Variants in NRXN3 observed in about 807,000 individuals in gnomAD.
The protein encoded by NRXN3 is neurexin III.
A neutral mutation model predicts 137.6 loss-of-function variants in NRXN3; 32 were observed. The ratio of observed to expected loss-of-function variants is 0.23; its 90% CI spans 0.18 to 0.31. NRXN3 has a LOEUF of 0.31. NRXN3 is among the 10% of genes least tolerant of loss of function. The pLI is 1.00. For missense variants in NRXN3, 1,574 were observed against 2,062.5 expected (o/e 0.76, Z 4.59); for synonymous variants, 798 against 784.5 (o/e 1.02, Z -0.29).
At chr14:78,654,674 G>A (rs1331463874) in intron 6 of NRXN3, among the ~76,000 whole-genome samples, 2 of 152,200 alleles carry the variant, frequency 1.3e-5, no homozygotes, top group Admixed American at 6.5e-5. Flanking sequence ...TATGCAGTTT[G>A]TGTCCACTTA....
intron 15 of NRXN3, among the ~76,000 whole-genome samples, chr14:79,150,900 T>G (rs969663959): frequency 2.6e-5 from 4 of 151,962 alleles, no homozygotes; most frequent in African/African-American, 9.7e-5. Flanking sequence ...TCAGCAGAAG[T>G]CCAAAGGTCC....
chr14:79,358,579 G>A (rs1173942193), intron 15 of NRXN3, among the ~76,000 whole-genome samples: 1 of 119,778 alleles, frequency 8.3e-6, no homozygotes, highest in Non-Finnish European at 1.7e-5. Context: ...AAAAAAGAAA[G>A]AAAGAGAGAA....
At chr14:78,590,177 A>C (rs1467021103) in intron 4 of NRXN3, among the ~76,000 whole-genome samples, 1 of 152,190 alleles carries the variant, frequency 6.6e-6, no homozygotes, top group African/African-American at 2.4e-5. Context: ...TGTGGTGTAG[A>C]AACAGGTCAT....
At chr14:79,721,677 G>T (rs2098845135) in intron 19 of NRXN3, among the ~76,000 whole-genome samples, 1 of 152,144 alleles carries the variant, frequency 6.6e-6, no homozygotes, top group African/African-American at 2.4e-5. Flanking sequence ...TTTGAAAGTG[G>T]CTGGCTATAA....
chr14:78,325,279 C>T (rs1277621957), intron 4 of NRXN3, among the ~76,000 whole-genome samples: 1 of 151,844 alleles, frequency 6.6e-6, no homozygotes, highest in Non-Finnish European at 1.5e-5. Flanking sequence ...CCATGGTGGT[C>T]CTTATAGCCA....
chr14:78,665,787 A>G (rs1309916809), intron 6 of NRXN3, among the ~76,000 whole-genome samples: 1 of 152,204 alleles, frequency 6.6e-6, no homozygotes, highest in Non-Finnish European at 1.5e-5. Flanking sequence ...GATGGTGGCC[A>G]TGGCTCAGTG....
intron 16 of NRXN3, among the ~76,000 whole-genome samples, chr14:79,540,193 C>T (rs2097258753): frequency 9.9e-6 from 1 of 101,176 alleles, no homozygotes; most frequent in Non-Finnish European, 2.0e-5. Context: ...AGACTTGAAA[C>T]AACTCTCTGA....
At position 78,243,354 on chromosome 14, in the gene NRXN3, C is replaced by T. The variant is rs2067260474; in HGVS notation, c.261C>T (p.Leu87=). 2 of 1,561,708 alleles carry T rather than the reference C, an allele frequency of 1.3e-6. No individual in the cohort carries two copies. The highest frequency in any genetic ancestry group is 1.7e-4 in the Middle Eastern group (1 of 6,020). ...CLSLVDGRVQ[L]RFSMDCAETA... ...CCCTGGTGGATGGCCGCGTTCAGCT[C>T]CGCTTCAGCATGGACTGTGCCGAGA... The change falls in exon 2 of 21, where the codon CTC becomes CTT. Residue 87 remains leucine (L), a synonymous_variant. Transcript: ENST00000335750. The surrounding 1 kb of genome is among the most constrained non-coding windows in gnomAD (Gnocchi z 4.2).
chr14:78,289,873 C>A (rs1246465732), intron 3 of NRXN3, among the ~76,000 whole-genome samples: 1 of 152,182 alleles, frequency 6.6e-6, no homozygotes, highest in Middle Eastern at 3.2e-3. Flanking sequence ...GAGATTGTGC[C>A]ACTGCACTCC....
At chr14:78,440,771 G>A (rs1333422263) in intron 4 of NRXN3, among the ~76,000 whole-genome samples, 1 of 152,108 alleles carries the variant, frequency 6.6e-6, no homozygotes, top group Non-Finnish European at 1.5e-5. Flanking sequence ...GTTGGGGTGG[G>A]GTGTGCTGCA....
At chr14:79,738,018 A>G (rs2098948095) in intron 19 of NRXN3, among the ~76,000 whole-genome samples, 1 of 152,182 alleles carries the variant, frequency 6.6e-6, no homozygotes, top group Admixed American at 6.6e-5. Context: ...CCTTTAAATC[A>G]AAATCACCTG....
intron 10 of NRXN3, among the ~76,000 whole-genome samples, chr14:78,830,279 G>A (rs2098978097): frequency 6.6e-6 from 1 of 151,966 alleles, no homozygotes; most frequent in Non-Finnish European, 1.5e-5. Context: ...AAGGTAAATA[G>A]GCTTGACAAA....
At chr14:79,410,289 CTTAA>C (rs1268696100) in intron 15 of NRXN3, among the ~76,000 whole-genome samples, 1 of 152,018 alleles carries the variant, frequency 6.6e-6, no homozygotes, top group Non-Finnish European at 1.5e-5. Context: ...CCTCAAGCCT[CTTAA>C]TGTTGTTTTA....
At chr14:79,157,481 A>G (rs1195850993) in intron 15 of NRXN3, among the ~76,000 whole-genome samples, 2 of 151,810 alleles carry the variant, frequency 1.3e-5, no homozygotes, top group Non-Finnish European at 2.9e-5. Context: ...TTAAATCAGC[A>G]TAAGCTGGTT....
At chr14:78,185,065 G>A (rs1443002387) in intron 1 of NRXN3, among the ~76,000 whole-genome samples, 3 of 152,240 alleles carry the variant, frequency 2.0e-5, no homozygotes, top group African/African-American at 7.2e-5. Context: ...AGCTGGCACT[G>A]TGTGGGCTTC....
intron 10 of NRXN3, among the ~76,000 whole-genome samples, chr14:78,936,183 C>A (rs184030282): frequency 1.1e-4 from 16 of 152,326 alleles, no homozygotes; most frequent in African/African-American, 3.4e-4. Flanking sequence ...TACACAAACA[C>A]ACCCACCTTT....
At chr14:78,994,807 T>A (rs977709455) in intron 15 of NRXN3, among the ~76,000 whole-genome samples, 11 of 152,202 alleles carry the variant, frequency 7.2e-5, no homozygotes, top group Admixed American at 6.5e-4. Flanking sequence ...GTTTTTATTG[T>A]AGCTAATTAT....
At chr14:78,547,362 C>A (rs1461040495) in intron 4 of NRXN3, among the ~76,000 whole-genome samples, 1 of 151,976 alleles carries the variant, frequency 6.6e-6, no homozygotes, top group African/African-American at 2.4e-5. Context: ...CCCGCTACCA[C>A]ATTTTTTTTG....
chr14:78,183,617 G>A (rs1443771656), intron 1 of NRXN3, among the ~76,000 whole-genome samples: 1 of 152,212 alleles, frequency 6.6e-6, no homozygotes, highest in African/African-American at 2.4e-5. Context: ...CTGCAGGTGA[G>A]TGAGTCTGCA....
Sources: gnomAD v4.1 joint callset for allele counts (sites outside exome capture counted in the v4.1 genomes callset) on GRCh38, gnomAD v4.1.1 for gene constraint, Gnocchi (gnomAD v3.1) non-coding constraint, MANE v1.5 for transcripts, NCBI Gene and HGNC (gene_info 2026-07-23, HGNC 2026-07-21) for gene names.